The following MARK1 variants were observed in gnomAD, a reference collection of about 807,000 sequenced individuals.
The protein encoded by MARK1 is serine/threonine-protein kinase MARK1.
Under a neutral mutation model 96.3 loss-of-function variants are expected in MARK1, and 40 were observed. That is an observed-to-expected ratio of 0.42 (90% CI 0.32 to 0.54). The LOEUF (loss-of-function observed/expected upper bound fraction) is 0.54. Among genes scored for constraint, MARK1 ranks in the 20% least tolerant of loss-of-function variants. The probability of loss-of-function intolerance (pLI) is 0.16; values close to 1 mark genes in which losing one functional copy is unlikely to be tolerated. For synonymous variants in MARK1, 317 were observed against 341.2 expected (o/e 0.93, Z 0.78); for missense variants, 719 against 984.6 (o/e 0.73, Z 3.61).
Position 220,595,469 on chromosome 1 carries a change from T to C in MARK1, c.310-2862T>C, listed in dbSNP as rs142122708. 1.7e-3 allele frequency among the ~76,000 whole-genome samples: 266 copies of C among 152,298 alleles called. 1 individual carries two copies. The highest frequency in any genetic ancestry group is 6.0e-3 in the African/African-American group (251 of 41,568). ...TGACTCCCATTGTCCAAGGCTGCAA[T>C]AGCAAAATCATCAGTTACAGTGACT... On this transcript the variant is annotated intron_variant, in intron 3 of 17. Coordinates refer to ENST00000366917, the MANE Select transcript of MARK1 (RefSeq NM_018650.5).
rs1440637070 is a variant in MARK1 at position 220,626,245 on chromosome 1, CT to C, written c.910-4789del. 7 of 529,738 alleles carry C rather than the reference CT, an allele frequency of 1.3e-5. No individual in the cohort carries two copies. In the African/African-American group the frequency reaches 1.3e-4, roughly 10 times the overall value. The allele number at this position is 529,738 out of a possible 1,614,324, so 32.8% of individuals were successfully genotyped here. A position where few individuals can be genotyped will look rare whatever the true frequency, so the allele number is the denominator to read the frequency against. On this transcript the variant is annotated intron_variant, in intron 9 of 17. Coordinates refer to ENST00000366917, the MANE Select transcript of MARK1 (RefSeq NM_018650.5). ...ACTGCTAACCTATCACCAGAGGGTG[CT>C]GTATATTGACATTGATATTCACCAC...
Position 220,641,307 on chromosome 1 carries a change from G to A in MARK1, c.1470+5281G>A, listed in dbSNP as rs576408050. ...TATTAGAAGGCAGGGCCTTTAGGAG[G>A]TGATTAGGTCATGAGGGCCCTCACG... On this transcript the variant is annotated intron_variant, in intron 13 of 17. Coordinates refer to ENST00000366917, the MANE Select transcript of MARK1 (RefSeq NM_018650.5). Among the ~76,000 whole-genome samples the A allele has an allele frequency of 4.6e-5, 7 of 152,262 alleles. No individual in the cohort carries two copies. In the South Asian group the frequency reaches 1.5e-3, roughly 32 times the overall value.
chr1:220,614,071 G>T (rs1398398033), intron 6 of MARK1, among the ~76,000 whole-genome samples: 7 of 152,048 alleles, frequency 4.6e-5, no homozygotes. Context: ...GCAGTGGTGT[G>T]AACATGGCAT....
chr1:220,553,247 T>C (rs892871957), intron 1 of MARK1, among the ~76,000 whole-genome samples: 1 of 152,166 alleles, frequency 6.6e-6, no homozygotes, highest in Non-Finnish European at 1.5e-5. Flanking sequence ...TTATACTACA[T>C]ACTCTCTCTC....
intron 11 of MARK1, among the ~76,000 whole-genome samples, chr1:220,632,841 A>C (rs1193534898): frequency 6.6e-6 from 1 of 152,238 alleles, no homozygotes; most frequent in East Asian, 1.9e-4. Context: ...AAATAACTGC[A>C]TACAAATGGT....
intron 13 of MARK1, among the ~76,000 whole-genome samples, chr1:220,645,222 G>T (rs1422622093): frequency 6.6e-6 from 1 of 152,108 alleles, no homozygotes; most frequent in Admixed American, 6.6e-5. Flanking sequence ...ACAATCAAAT[G>T]ATAAGGAGGA....
In MARK1 at chr1:220,635,359, G is replaced by C. The variant is rs776121286; in HGVS notation, c.1123-17G>C. On this transcript the variant is annotated splice_polypyrimidine_tract_variant and intron_variant, in intron 11 of 17. Transcript: ENST00000366917. ...TTTTTTTTTGCTTTAAAATCCCTGTGGTTTTTCTTCTTATAGTTTGAAGGT... is the reference window on the plus strand; with the variant it reads ...TTTTTTTTTGCTTTAAAATCCCTGTCGTTTTTCTTCTTATAGTTTGAAGGT... 12 of 1,529,440 alleles carry C rather than the reference G, an allele frequency of 7.8e-6. No individual in the cohort carries two copies. In the South Asian group the frequency reaches 1.0e-4, roughly 13 times the overall value. 94.7% of individuals were successfully genotyped at this position (1,529,440 alleles called of 1,614,324 possible).
In MARK1 at chr1:220,528,966, G is replaced by C. The variant is rs372915446; in HGVS notation, c.51+93G>C. On this transcript the variant is annotated intron_variant, in intron 1 of 17. Coordinates refer to ENST00000366917, the MANE Select transcript of MARK1 (RefSeq NM_018650.5). ...CGCTTGGGCCGTCCCCCGTGCCTCG[G>C]CGCGGCCACCCGCGGCAGGGTCTCC... 37 of 1,332,540 alleles carry C rather than the reference G, an allele frequency of 2.8e-5. No homozygotes were observed. In the Admixed American group the frequency reaches 7.5e-4, roughly 27 times the overall value. 82.5% of individuals were successfully genotyped at this position (1,332,540 alleles called of 1,614,324 possible). A position where few individuals can be genotyped will look rare whatever the true frequency, so the allele number is the denominator to read the frequency against.
intron 9 of MARK1, chr1:220,625,889 TA>T (rs1667298530): frequency 8.1e-6 from 4 of 495,372 alleles, no homozygotes; most frequent in South Asian, 3.2e-5. Context: ...CACTGAACAA[TA>T]GAAATCTGTC....
At chr1:220,610,822 G>T (rs928733716) in intron 6 of MARK1, among the ~76,000 whole-genome samples, 2 of 152,204 alleles carry the variant, frequency 1.3e-5, no homozygotes, top group African/African-American at 4.8e-5. Flanking sequence ...CTCAGCTGCA[G>T]GTCTGTTGGA....
At chr1:220,628,221 A>G (rs770630329) in intron 9 of MARK1, among the ~76,000 whole-genome samples, 6 of 152,124 alleles carry the variant, frequency 3.9e-5, no homozygotes, top group East Asian at 1.9e-4. Flanking sequence ...CCTTATCTCT[A>G]TCGACTCCTT....
intron 1 of MARK1, among the ~76,000 whole-genome samples, chr1:220,534,009 A>AT (rs1660509718): frequency 6.6e-6 from 1 of 151,756 alleles, no homozygotes; most frequent in African/African-American, 2.4e-5. Context: ...TATCTGTTGA[A>AT]TTTTTTTTCA....
chr1:220,631,903 A>G (rs1312293200), intron 10 of MARK1, among the ~76,000 whole-genome samples: 3 of 152,230 alleles, frequency 2.0e-5, no homozygotes, highest in African/African-American at 7.2e-5. Context: ...AAAGACTGAC[A>G]TGGTCTTAGA....
chr1:220,567,972 A>G (rs1663178271), intron 1 of MARK1, among the ~76,000 whole-genome samples: 1 of 152,024 alleles, frequency 6.6e-6, no homozygotes, highest in Non-Finnish European at 1.5e-5. Context: ...TGTGTCTCTT[A>G]TGGGCAGCAT....
Position 220,623,292 on chromosome 1 carries a change from A to G in MARK1, c.909+4537A>G, listed in dbSNP as rs57103093. On this transcript the variant is annotated intron_variant, in intron 9 of 17. Coordinates refer to ENST00000366917, the MANE Select transcript of MARK1 (RefSeq NM_018650.5). ...TAACTCTTTTGGTTACCATGAAAGA[A>G]TTTTACATATGCATGAGGTTCACAC... 3.7e-3 allele frequency among the ~76,000 whole-genome samples: 560 copies of G among 152,292 alleles called. 5 individuals are homozygous for G. The highest frequency in any genetic ancestry group is 0.013 in the African/African-American group (529 of 41,570).
chr1:220,640,197 A>G (rs554816828), intron 13 of MARK1, among the ~76,000 whole-genome samples: 12 of 152,350 alleles, frequency 7.9e-5, no homozygotes, highest in African/African-American at 2.9e-4. Flanking sequence ...AAAACATTAA[A>G]TCCATTCAAA....
chr1:220,643,794 A>G (rs1369926272), intron 13 of MARK1, among the ~76,000 whole-genome samples: 2 of 152,226 alleles, frequency 1.3e-5, no homozygotes, highest in Non-Finnish European at 2.9e-5. Context: ...AAAATTTCCA[A>G]CCCAGAATTT....
At position 220,663,790 on chromosome 1, in the gene MARK1, GA is replaced by G. The variant is rs150942553; in HGVS notation, c.*1634del. The G allele has an allele frequency of 0.016, 2,283 of 146,028 alleles. 30 individuals are homozygous for G. Among genetic ancestry groups the G allele is most frequent in the Middle Eastern group, 0.046 (13 of 284 alleles). 9.0% of individuals were successfully genotyped at this position (146,028 alleles called of 1,614,324 possible). A position where few individuals can be genotyped will look rare whatever the true frequency, so the allele number is the denominator to read the frequency against. The stretch of plus-strand genomic sequence containing the variant: ...TTTGCCTTAGCAAAGGGTGGTGTTT[GA>G]AAAAAAAAATGTGTAGCCCCTTTTT... On this transcript the variant is annotated 3_prime_UTR_variant, in exon 18 of 18. Transcript: ENST00000366917.
rs372179569 is a variant in MARK1 at position 220,558,361 on chromosome 1, A to C, written c.52-20993A>C. ...AGGAAGATTGAAGAAAAGTAAATCCAGTGGATAGAAGAAAAAGAAAAAACC... is the reference window on the plus strand; with the variant it reads ...AGGAAGATTGAAGAAAAGTAAATCCCGTGGATAGAAGAAAAAGAAAAAACC... On this transcript the variant is annotated intron_variant, in intron 1 of 17. Coordinates refer to ENST00000366917, the MANE Select transcript of MARK1 (RefSeq NM_018650.5). Among the ~76,000 whole-genome samples the C allele has an allele frequency of 2.6e-5, 4 of 151,700 alleles. No individual in the cohort carries two copies. The East Asian group carries it at 7.7e-4, about 29-fold the overall frequency.
Sources: gnomAD v4.1 joint callset for allele counts (sites outside exome capture counted in the v4.1 genomes callset) on GRCh38, gnomAD v4.1.1 for gene constraint, MANE v1.5 for transcripts, NCBI Gene and HGNC (gene_info 2026-07-23, HGNC 2026-07-21) for gene names.